CEMIP: variants seen among roughly 807,000 people sequenced by gnomAD.
CEMIP encodes cell migration inducing hyaluronidase 1.
In CEMIP, 105 loss-of-function variants were observed where a neutral mutation model predicts 156.9. The ratio of observed to expected loss-of-function variants is 0.67; its 90% confidence interval spans 0.57 to 0.79. The LOEUF is 0.79. Ranked by LOEUF, CEMIP falls within the 30% of genes least tolerant of loss-of-function variation. CEMIP has a pLI of 0.00. For synonymous variants in CEMIP, 676 were observed against 668.4 expected (o/e 1.01, Z -0.17); for missense variants, 1,457 against 1,769.4 (o/e 0.82, Z 3.17).
At position 80,932,067 on chromosome 15, in the gene CEMIP, G is replaced by A. The variant is rs749560126; in HGVS notation, c.2793+28G>A. The A allele has an allele frequency of 5.6e-5, 90 of 1,608,866 alleles. No homozygotes were observed. Among genetic ancestry groups the A allele is most frequent in the Middle Eastern group, 3.3e-4 (2 of 6,042 alleles). On this transcript the variant is annotated intron_variant, in intron 22 of 29. Transcript: ENST00000394685. The surrounding 1 kb of genome is among the most constrained non-coding windows in gnomAD (Gnocchi z 4.5). ...GAGTGAGGCGCCAGGGCAGACTCCCGGCAAACCCAGACTTTGGATGGTGAT... is the reference window on the plus strand; with the variant it reads ...GAGTGAGGCGCCAGGGCAGACTCCCAGCAAACCCAGACTTTGGATGGTGAT...
chr15:80,791,609 C>T (rs970118568), intron 1 of CEMIP, among the ~76,000 whole-genome samples: 1 of 152,154 alleles, frequency 6.6e-6, no homozygotes, highest in African/African-American at 2.4e-5. Flanking sequence ...GGCTCCTAAT[C>T]CCAGGCCCTT....
At position 80,829,510 on chromosome 15, in the gene CEMIP, G is replaced by A. The variant is rs145898733; in HGVS notation, c.-175-44028G>A. Among the ~76,000 whole-genome samples, 792 of 152,288 alleles carry A rather than the reference G, an allele frequency of 5.2e-3. 11 individuals carry two copies. The highest frequency in any genetic ancestry group is 8.1e-3 in the South Asian group (39 of 4,822). ...ATTTTTCATCCTTCTGGACCGCCCT[G>A]CCATGTTGGGCACCCCTTAGATCAG... is the stretch of plus-strand genomic sequence containing the variant. On this transcript the variant is annotated intron_variant, in intron 1 of 29. Coordinates refer to ENST00000394685, the MANE Select transcript of CEMIP (RefSeq NM_001293298.2).
rs987795277 is a variant in CEMIP at position 80,787,736 on chromosome 15, TA to T, written c.-176+8123del. Among the ~76,000 whole-genome samples the T allele has an allele frequency of 9.1e-4, 139 of 152,312 alleles. 1 individual carries two copies. Among genetic ancestry groups the T allele is most frequent in the African/African-American group, 3.3e-3 (136 of 41,576 alleles). ...TTTCTAAAATCCCATGGAACTGTCTTAGGGGGCTGGCCAGTGGTGAACCTGA... is the reference window on the plus strand; with the variant it reads ...TTTCTAAAATCCCATGGAACTGTCTTGGGGGCTGGCCAGTGGTGAACCTGA... On this transcript the variant is annotated intron_variant, in intron 1 of 29. Coordinates refer to ENST00000394685, the MANE Select transcript of CEMIP (RefSeq NM_001293298.2).
intron 1 of CEMIP, among the ~76,000 whole-genome samples, chr15:80,782,465 C>G (rs1895822391): frequency 6.6e-6 from 1 of 152,134 alleles, no homozygotes; most frequent in East Asian, 1.9e-4. Flanking sequence ...TTATTTGATC[C>G]CAGCTGGACT....
chr15:80,797,997 C>T (rs935543573), intron 1 of CEMIP, among the ~76,000 whole-genome samples: 1 of 152,148 alleles, frequency 6.6e-6, no homozygotes, highest in Non-Finnish European at 1.5e-5. Context: ...GAGGAATGAG[C>T]AATAACTAGG....
intron 28 of CEMIP, among the ~76,000 whole-genome samples, chr15:80,943,345 A>G (rs1901416519): frequency 6.6e-6 from 1 of 152,216 alleles, no homozygotes; most frequent in South Asian, 2.1e-4. Context: ...CCCGCTGCAC[A>G]TGGGAAGGTT....
At chr15:80,889,363 G>A in intron 9 of CEMIP, 108 bp from the exon 10 acceptor site, 4 of 1,494,130 alleles carry the variant, frequency 2.7e-6, no homozygotes, top group Non-Finnish European at 3.7e-6. Context: ...ACCATGGACA[G>A]ATAATATTCA....
intron 1 of CEMIP, among the ~76,000 whole-genome samples, chr15:80,835,081 CAGAG>C (rs36062989): frequency 0.025 from 3,742 of 150,576 alleles, 153 homozygotes; most frequent in African/African-American, 0.085. Context: ...GTCCTCATTG[CAGAG>C]AGAGAGAGAG....
intron 29 of CEMIP, 67 bp from the exon 30 acceptor site, chr15:80,948,730 T>A (rs1003096896): frequency 1.2e-6 from 2 of 1,609,428 alleles, no homozygotes; most frequent in Admixed American, 1.7e-5. Context: ...TGGGGAGCCA[T>A]GGAACGGGGT....
At chr15:80,899,084 G>A (rs1296851929) in intron 12 of CEMIP, among the ~76,000 whole-genome samples, 2 of 151,916 alleles carry the variant, frequency 1.3e-5, no homozygotes, top group African/African-American at 2.4e-5. Flanking sequence ...GTAGTGGCGC[G>A]TGCCTGTAAT....
intron 23 of CEMIP, among the ~76,000 whole-genome samples, chr15:80,934,950 GA>G (rs1326773747): frequency 6.6e-6 from 1 of 152,246 alleles, no homozygotes; most frequent in Non-Finnish European, 1.5e-5. Flanking sequence ...AGTTGCTGTA[GA>G]GAGTGGAAAA....
chr15:80,809,079 C>T (rs193243082), intron 1 of CEMIP, among the ~76,000 whole-genome samples: 85 of 152,100 alleles, frequency 5.6e-4, no homozygotes, highest in Admixed American at 2.6e-3. Context: ...ATATAATGTC[C>T]GTGAAAATAT....
chr15:80,865,952 CT>C (rs781213324), intron 1 of CEMIP, among the ~76,000 whole-genome samples: 3 of 152,118 alleles, frequency 2.0e-5, no homozygotes, highest in African/African-American at 7.2e-5. Context: ...TCTTACTTTC[CT>C]TTTCCCCCAG....
intron 1 of CEMIP, among the ~76,000 whole-genome samples, chr15:80,784,104 C>A (rs1895866198): frequency 6.6e-6 from 1 of 152,180 alleles, no homozygotes; most frequent in Admixed American, 6.5e-5. Context: ...TGGCTCCTTG[C>A]ACTGGGATAT....
At position 80,948,708 on chromosome 15, in the gene CEMIP, G is replaced by A. The variant is rs1191351123; in HGVS notation, c.3959-89G>A. The A allele has an allele frequency of 2.1e-4, 336 of 1,570,884 alleles. 2 individuals carry two copies. Among genetic ancestry groups the A allele is most frequent in the Non-Finnish European group, 2.6e-5 (30 of 1,145,538 alleles). On this transcript the variant is annotated intron_variant, in intron 29 of 29. Coordinates refer to ENST00000394685, the MANE Select transcript of CEMIP (RefSeq NM_001293298.2). ...GGCTAGGCGGTACCTGGTGGGCGTG[G>A]GGGGCTGGCGATGGGGAGCCATGGA...
intron 1 of CEMIP, among the ~76,000 whole-genome samples, chr15:80,842,860 G>T (rs1458860995): frequency 6.6e-6 from 1 of 152,256 alleles, no homozygotes; most frequent in Non-Finnish European, 1.5e-5. Context: ...GAATGAGGAA[G>T]AGATGGATTC....
At position 80,926,908 on chromosome 15, in the gene CEMIP, G is replaced by A. The variant is rs35331107; in HGVS notation, c.2420+1153G>A. On this transcript the variant is annotated intron_variant, in intron 19 of 29. Coordinates refer to ENST00000394685, the MANE Select transcript of CEMIP (RefSeq NM_001293298.2). ...TGCAGTGGTGCAAACTCAGCACACT[G>A]CAACCTCTGCTTCCTGGGTTCAAGC... Among the ~76,000 whole-genome samples the A allele has an allele frequency of 5.4e-3, 807 of 149,364 alleles. 4 individuals carry two copies. The highest frequency in any genetic ancestry group is 8.7e-3 in the Non-Finnish European group (589 of 67,824).
At chr15:80,887,646 C>A in intron 7 of CEMIP, 48 bp from the exon 8 acceptor site, 1 of 1,450,594 alleles carries the variant, frequency 6.9e-7, no homozygotes, top group Non-Finnish European at 9.6e-7. Context: ...TGTGCAGGTA[C>A]AGACTCGTGC....
At chr15:80,885,439 T>C (rs1395499835) in intron 7 of CEMIP, among the ~76,000 whole-genome samples, 1 of 152,236 alleles carries the variant, frequency 6.6e-6, no homozygotes. Flanking sequence ...AATGACACCT[T>C]GGCATTGCAA....
Sources: allele counts gnomAD v4.1 joint callset (sites outside exome capture counted in the v4.1 genomes callset), GRCh38; gene constraint gnomAD v4.1.1; non-coding constraint Gnocchi (gnomAD v3.1); transcripts MANE v1.5; gene names NCBI Gene and HGNC (gene_info 2026-07-23, HGNC 2026-07-21).